Variants in SLC8A1 observed in about 807,000 individuals in gnomAD.
SLC8A1 encodes the protein solute carrier family 8 member A1.
In SLC8A1, 18 loss-of-function variants were observed where a neutral mutation model predicts 68.3. The observed-to-expected ratio is 0.26, with a 90% CI of 0.18 to 0.39. The LOEUF is 0.39. Ranked by LOEUF, SLC8A1 falls within the 10% of genes least tolerant of loss-of-function variation. The pLI is 1.00. For missense variants in SLC8A1, 985 were observed against 1,156.7 expected (o/e 0.85, Z 2.15); for synonymous variants, 475 against 415.5 (o/e 1.14, Z -1.74).
intron 7 of SLC8A1, among the ~76,000 whole-genome samples, chr2:40,128,135 A>G (rs1241142243): frequency 6.6e-6 from 1 of 152,240 alleles, no homozygotes; most frequent in Non-Finnish European, 1.5e-5. Context: ...CCATGATTTC[A>G]TATCTATAAT....
intron 2 of SLC8A1, among the ~76,000 whole-genome samples, chr2:40,290,600 G>C (rs1387314660): frequency 6.6e-6 from 1 of 152,146 alleles, no homozygotes; most frequent in Non-Finnish European, 1.5e-5. Flanking sequence ...GAGAATTACA[G>C]TGAAGAAAAA....
At chr2:40,430,604 A>C (rs917364213) in intron 1 of SLC8A1, among the ~76,000 whole-genome samples, 9 of 152,186 alleles carry the variant, frequency 5.9e-5, no homozygotes. Context: ...CTGGAAAGGA[A>C]AAGTTCAATT....
chr2:40,322,220 C>CA (rs1413701707), intron 2 of SLC8A1, among the ~76,000 whole-genome samples: 2 of 152,148 alleles, frequency 1.3e-5, no homozygotes, highest in Non-Finnish European at 2.9e-5. Flanking sequence ...TCCCTGGGTT[C>CA]ATCAGCTAAA....
intron 2 of SLC8A1, among the ~76,000 whole-genome samples, chr2:40,367,586 T>A (rs1676662197): frequency 6.6e-6 from 1 of 151,886 alleles, no homozygotes; most frequent in African/African-American, 2.4e-5. Flanking sequence ...CACTCTCAAG[T>A]GAGACAAACG....
chr2:40,219,034 T>TCTACCTGCAACCCTTAATTGGCCTC (rs11268044), intron 2 of SLC8A1, among the ~76,000 whole-genome samples: 1 of 151,732 alleles, frequency 6.6e-6, no homozygotes, highest in East Asian at 1.9e-4. Flanking sequence ...AAATCCTATT[T>TCTACCTGCAACCCTTAATTGGCCTC]CTTGGTCTGA....
intron 2 of SLC8A1, among the ~76,000 whole-genome samples, chr2:40,338,904 AG>A (rs1266585036): frequency 6.6e-6 from 1 of 152,224 alleles, no homozygotes; most frequent in Non-Finnish European, 1.5e-5. Flanking sequence ...ACTAAAAATC[AG>A]AAATTAAAAT....
intron 2 of SLC8A1, among the ~76,000 whole-genome samples, chr2:40,232,373 C>T (rs765603655): frequency 6.8e-6 from 1 of 147,508 alleles, no homozygotes; most frequent in Non-Finnish European, 1.5e-5. Context: ...AGAGATGGGG[C>T]ATGTGAATAT....
intron 2 of SLC8A1, among the ~76,000 whole-genome samples, chr2:40,404,770 G>T (rs926336143): frequency 1.3e-5 from 2 of 152,156 alleles, no homozygotes; most frequent in Non-Finnish European, 2.9e-5. Flanking sequence ...CAGAAAGCTA[G>T]TTGTTGAGCA....
chr2:40,117,582 CAAATA>C (rs988390742), intron 7 of SLC8A1, among the ~76,000 whole-genome samples: 9 of 149,474 alleles, frequency 6.0e-5, no homozygotes, highest in African/African-American at 2.2e-4. Flanking sequence ...AAAAAAAAAT[CAAATA>C]AAGTCCTTTC....
chr2:40,125,019 G>A (rs1474501690), intron 7 of SLC8A1, among the ~76,000 whole-genome samples: 1 of 152,144 alleles, frequency 6.6e-6, no homozygotes, highest in African/African-American at 2.4e-5. Context: ...GAGATGGCAG[G>A]ATTTCTTTTT....
At chr2:40,267,977 C>A (rs573596586) in intron 2 of SLC8A1, among the ~76,000 whole-genome samples, 3 of 152,140 alleles carry the variant, frequency 2.0e-5, no homozygotes, top group Admixed American at 2.0e-4. Context: ...ATCTCTCGGA[C>A]AGTGGGATGA....
At chr2:40,373,122 T>A (rs1004044393) in intron 2 of SLC8A1, among the ~76,000 whole-genome samples, 1 of 151,832 alleles carries the variant, frequency 6.6e-6, no homozygotes, top group Non-Finnish European at 1.5e-5. Context: ...AAAATTAGTA[T>A]TTTTTGCCTT....
At chr2:40,178,969 TATTATAGTTCCA>T (rs1243505911) in intron 2 of SLC8A1, among the ~76,000 whole-genome samples, 1 of 152,250 alleles carries the variant, frequency 6.6e-6, no homozygotes, top group Admixed American at 6.5e-5. Flanking sequence ...CACTGTGCTT[TATTATAGTTCCA>T]AATATAGTAT....
At chr2:40,297,683 G>T (rs190283027) in intron 2 of SLC8A1, among the ~76,000 whole-genome samples, 18 of 152,234 alleles carry the variant, frequency 1.2e-4, no homozygotes, top group Non-Finnish European at 2.2e-4. Context: ...TCATCCAGCT[G>T]TTTACCATAC....
At chr2:40,354,844 A>C (rs1314155432) in intron 2 of SLC8A1, among the ~76,000 whole-genome samples, 3 of 152,122 alleles carry the variant, frequency 2.0e-5, no homozygotes, top group Non-Finnish European at 2.9e-5. Context: ...TTATTTTTTT[A>C]CAAATGTGTA....
chr2:40,503,616 C>T (rs35455710), intron 1 of SLC8A1, among the ~76,000 whole-genome samples: 10,914 of 151,944 alleles, frequency 0.072, 844 homozygotes, highest in East Asian at 0.39. Flanking sequence ...AGTTGCAAGA[C>T]ACAAAATCAA....
chr2:40,349,323 A>T (rs1559343560), intron 2 of SLC8A1, among the ~76,000 whole-genome samples: 1 of 152,202 alleles, frequency 6.6e-6, no homozygotes, highest in Admixed American at 6.5e-5. Flanking sequence ...ATGGTCATTG[A>T]GAAAAGACAG....
Position 40,200,796 on chromosome 2 carries a change from T to C in SLC8A1, c.1809-22941A>G, listed in dbSNP as rs561342704. ...TTAGCTTTAGAGACTTTGTCCTTAA[T>C]TGACTTCATGCTTCTTATTACTCAC... On this transcript the variant is annotated intron_variant, in intron 2 of 7. Transcript: ENST00000406785. 6.0e-4 allele frequency among the ~76,000 whole-genome samples: 91 copies of C among 152,042 alleles called. 1 individual carries two copies. The highest frequency in any genetic ancestry group is 1.7e-3 in the African/African-American group (70 of 41,530).
intron 4 of SLC8A1, 44 bp downstream of exon 5, chr2:40,174,781 C>T: frequency 6.3e-7 from 1 of 1,598,138 alleles, no homozygotes; most frequent in Non-Finnish European, 8.6e-7. Context: ...CTGGTGAGAA[C>T]AGACAGTAAA....
Sources: gnomAD v4.1 joint callset for allele counts (sites outside exome capture counted in the v4.1 genomes callset) on GRCh38, gnomAD v4.1.1 for gene constraint, MANE v1.5 for transcripts, NCBI Gene and HGNC (gene_info 2026-07-23, HGNC 2026-07-21) for gene names.